Variants in LDLRAD3 observed in about 807,000 individuals in gnomAD.
The protein encoded by LDLRAD3 is low-density lipoprotein receptor class A domain-containing protein 3.
A neutral mutation model predicts 29.4 loss-of-function variants in LDLRAD3; 20 were observed. The observed-to-expected ratio is 0.68, with a 90% CI of 0.48 to 0.99. The LOEUF (loss-of-function observed/expected upper bound fraction) is 0.99, where lower values mean the gene tolerates loss of function less well. LDLRAD3 is among the 50% of genes least tolerant of loss of function. LDLRAD3 has a pLI of 0.00. For missense variants in LDLRAD3, 420 were observed against 454.3 expected (o/e 0.92, Z 0.69); for synonymous variants, 157 against 192.7 (o/e 0.81, Z 1.53).
intron 2 of LDLRAD3, among the ~76,000 whole-genome samples, chr11:36,066,423 C>A (rs2133239449): frequency 6.6e-6 from 1 of 152,272 alleles, no homozygotes; most frequent in Admixed American, 6.5e-5. Flanking sequence ...CTTTTTAGAT[C>A]TTTCCTCACC....
At chr11:36,053,835 A>G (rs1290882238) in intron 2 of LDLRAD3, among the ~76,000 whole-genome samples, 2 of 152,166 alleles carry the variant, frequency 1.3e-5, no homozygotes, top group Non-Finnish European at 2.9e-5. Context: ...GAAACATTGT[A>G]TGAGCACCTC....
At chr11:36,017,049 A>G (rs778511600) in intron 1 of LDLRAD3, among the ~76,000 whole-genome samples, 6 of 152,250 alleles carry the variant, frequency 3.9e-5, no homozygotes, top group Non-Finnish European at 7.3e-5. Context: ...ATCCCTAAAG[A>G]ACTGAGGGTT....
chr11:35,984,058 C>T (rs1167890987), intron 1 of LDLRAD3, among the ~76,000 whole-genome samples: 1 of 152,132 alleles, frequency 6.6e-6, no homozygotes, highest in Non-Finnish European at 1.5e-5. Context: ...TCTTGGTGCT[C>T]ATTAAGTACT....
At chr11:36,216,685 C>G (rs1361082436) in intron 4 of LDLRAD3, among the ~76,000 whole-genome samples, 1 of 152,050 alleles carries the variant, frequency 6.6e-6, no homozygotes, top group Non-Finnish European at 1.5e-5. Flanking sequence ...CTCCAAACAG[C>G]TACAAAAAAG....
At chr11:36,105,860 G>A (rs766002396) in intron 4 of LDLRAD3, among the ~76,000 whole-genome samples, 9 of 152,154 alleles carry the variant, frequency 5.9e-5, no homozygotes, top group African/African-American at 1.7e-4. Context: ...TGCAGCAGCC[G>A]TAGCCAACTA....
chr11:36,112,902 C>T (rs1248892503), intron 4 of LDLRAD3, among the ~76,000 whole-genome samples: 1 of 152,202 alleles, frequency 6.6e-6, no homozygotes, highest in Non-Finnish European at 1.5e-5. Flanking sequence ...AAGCCTCTGT[C>T]TTCTAGAGTA....
At chr11:35,965,160 C>T (rs958934935) in intron 1 of LDLRAD3, among the ~76,000 whole-genome samples, 7 of 152,078 alleles carry the variant, frequency 4.6e-5, no homozygotes, top group East Asian at 1.9e-4. Flanking sequence ...TTGAGTCACC[C>T]GCTTTTATTT....
At chr11:36,082,355 A>T (rs1253236408) in intron 3 of LDLRAD3, among the ~76,000 whole-genome samples, 2 of 152,108 alleles carry the variant, frequency 1.3e-5, no homozygotes, top group African/African-American at 4.8e-5. Flanking sequence ...CAAAAAGTAC[A>T]AAAGTTAAGT....
chr11:35,999,246 CCGAA>C (rs1851792698), intron 1 of LDLRAD3, among the ~76,000 whole-genome samples: 1 of 152,140 alleles, frequency 6.6e-6, no homozygotes, highest in Non-Finnish European at 1.5e-5. Context: ...CAGCCTAGAA[CCGAA>C]TGTATGTTAT....
chr11:36,069,604 G>C (rs1442038299), intron 2 of LDLRAD3, among the ~76,000 whole-genome samples: 1 of 150,086 alleles, frequency 6.7e-6, no homozygotes, highest in East Asian at 1.9e-4. Flanking sequence ...AATTGTAACT[G>C]GTTCATAGCA....
intron 3 of LDLRAD3, among the ~76,000 whole-genome samples, chr11:36,087,256 T>C (rs866347614): frequency 6.6e-6 from 1 of 152,196 alleles, no homozygotes; most frequent in South Asian, 2.1e-4. Context: ...ATTAAAAAAA[T>C]TGAGATAGAG....
intron 4 of LDLRAD3, among the ~76,000 whole-genome samples, chr11:36,159,586 C>T (rs1004577632): frequency 7.7e-6 from 1 of 129,978 alleles, no homozygotes; most frequent in Non-Finnish European, 1.6e-5. Flanking sequence ...TAGTAAAACA[C>T]CGTCTTTACA....
At chr11:36,196,935 CA>C (rs1463463209) in intron 4 of LDLRAD3, 1 of 152,166 alleles carries the variant, frequency 6.6e-6, no homozygotes, top group African/African-American at 2.4e-5. Flanking sequence ...GGGAAGGTTT[CA>C]AATGAGAGAT....
intron 3 of LDLRAD3, among the ~76,000 whole-genome samples, chr11:36,088,060 G>A (rs2062477): frequency 0.23 from 35,205 of 151,480 alleles, 4,419 homozygotes; most frequent in Non-Finnish European, 0.28. Flanking sequence ...TTGCCATGTT[G>A]CCCAGACTGG....
At chr11:36,113,787 C>T (rs1853637811) in intron 4 of LDLRAD3, among the ~76,000 whole-genome samples, 1 of 151,806 alleles carries the variant, frequency 6.6e-6, no homozygotes, top group Non-Finnish European at 1.5e-5. Context: ...GATTCTCCTG[C>T]CTCAACCTCC....
intron 3 of LDLRAD3, among the ~76,000 whole-genome samples, chr11:36,087,349 T>A (rs1034862753): frequency 6.6e-6 from 1 of 152,236 alleles, no homozygotes; most frequent in Non-Finnish European, 1.5e-5. Context: ...GTCTATTTTT[T>A]AAAGTCCTTA....
intron 1 of LDLRAD3, among the ~76,000 whole-genome samples, chr11:36,025,108 C>T (rs1241271754): frequency 1.3e-5 from 2 of 152,182 alleles, no homozygotes; most frequent in Admixed American, 1.3e-4. Flanking sequence ...TTTGCATTTG[C>T]TCTTTCTTTT....
At chr11:36,030,728 A>C (rs1363423227) in intron 1 of LDLRAD3, among the ~76,000 whole-genome samples, 1 of 152,214 alleles carries the variant, frequency 6.6e-6, no homozygotes, top group East Asian at 1.9e-4. Flanking sequence ...GATAAAAATG[A>C]AGGCCACTGG....
chr11:36,229,229 GC>G lies in LDLRAD3; in HGVS notation c.876del (p.Tyr293ThrfsTer20). On this transcript the variant is annotated frameshift_variant, in exon 6 of 6. Transcript: ENST00000315571. LOFTEE classifies it high-confidence loss of function. ...CGGAATCTCTGAACCAAGCCGACCT[GC>G]CCCCCTACCGCTCCCGGTCCGGGAG... ...DTESLNQADL[P>X]PYRSRSGSAN... is the part of the protein sequence containing the mutation. 1 of 1,613,902 alleles carries G rather than the reference GC, an allele frequency of 6.2e-7. No homozygotes were observed. The highest frequency in any genetic ancestry group is 8.5e-7 in the Non-Finnish European group (1 of 1,179,992).
Sources: allele counts gnomAD v4.1 joint callset (sites outside exome capture counted in the v4.1 genomes callset), GRCh38; gene constraint gnomAD v4.1.1; transcripts MANE v1.5; gene names NCBI Gene and HGNC (gene_info 2026-07-23, HGNC 2026-07-21).